The following ERC2 variants were observed in gnomAD, a reference collection of about 807,000 sequenced individuals.
The protein encoded by ERC2 is ELKS/RAB6-interacting/CAST family member 2.
ERC2 carries 42 observed loss-of-function variants against 114.8 expected under a neutral mutation model. The observed-to-expected ratio is 0.37, with a 90% CI of 0.29 to 0.47. The LOEUF (loss-of-function observed/expected upper bound fraction) is 0.47. Ranked by LOEUF, ERC2 falls within the 20% of genes least tolerant of loss-of-function variation. The pLI, the probability that ERC2 is intolerant of heterozygous loss-of-function variation, is 0.99. For synonymous variants in ERC2, 454 were observed against 425.5 expected, an observed-to-expected ratio of 1.07 and a Z score of -0.82; for missense variants, 939 against 1,150.7, an observed-to-expected ratio of 0.82 and a Z score of 2.66.
chr3:56,360,816 G>A (rs1412971074), intron 2 of ERC2, among the ~76,000 whole-genome samples: 1 of 152,188 alleles, frequency 6.6e-6, no homozygotes, highest in Non-Finnish European at 1.5e-5. Flanking sequence ...GCTGAGATAG[G>A]AGAATCACTT....
At chr3:56,368,240 A>C (rs2150578877) in intron 2 of ERC2, among the ~76,000 whole-genome samples, 1 of 150,728 alleles carries the variant, frequency 6.6e-6, no homozygotes, top group Non-Finnish European at 1.5e-5. Flanking sequence ...ACATCATGGG[A>C]TATTAATTAT....
At chr3:56,110,577 A>G (rs978230911) in intron 6 of ERC2, among the ~76,000 whole-genome samples, 1 of 152,212 alleles carries the variant, frequency 6.6e-6, no homozygotes, top group Non-Finnish European at 1.5e-5. Flanking sequence ...ACAACATAAC[A>G]AAGTCCCAAA....
intron 16 of ERC2, among the ~76,000 whole-genome samples, chr3:55,684,942 A>G (rs1022202306): frequency 1.3e-5 from 2 of 152,158 alleles, no homozygotes; most frequent in Admixed American, 1.3e-4. Context: ...ACATTTTCTC[A>G]TTATTTGACT....
chr3:56,185,908 A>C (rs1483870030), intron 3 of ERC2, among the ~76,000 whole-genome samples: 1 of 152,000 alleles, frequency 6.6e-6, no homozygotes, highest in Non-Finnish European at 1.5e-5. Context: ...AGAGATTCTC[A>C]GTGTGAGAAG....
chr3:55,890,253 T>C (rs2063540443), intron 13 of ERC2, among the ~76,000 whole-genome samples: 1 of 152,222 alleles, frequency 6.6e-6, no homozygotes, highest in South Asian at 2.1e-4. Context: ...TCCCTTTTTC[T>C]ATTTTTGATA....
intron 13 of ERC2, among the ~76,000 whole-genome samples, chr3:55,917,668 G>A (rs1559867818): frequency 6.6e-6 from 1 of 152,106 alleles, no homozygotes; most frequent in African/African-American, 2.4e-5. Context: ...TGGAATAACT[G>A]GTTATAGGTA....
intron 17 of ERC2, among the ~76,000 whole-genome samples, chr3:55,631,581 C>G (rs1288283598): frequency 6.6e-6 from 1 of 152,222 alleles, no homozygotes; most frequent in Non-Finnish European, 1.5e-5. Context: ...TAAACTCCCA[C>G]TTGGTTTCTT....
chr3:56,313,001 C>CATATATATATATATATATATATATAT (rs3055903), intron 2 of ERC2, among the ~76,000 whole-genome samples: 1 of 43,882 alleles, frequency 2.3e-5, no homozygotes, highest in Non-Finnish European at 4.2e-5. Flanking sequence ...TATGTATATT[C>CATATATATATATATATATATATATAT]ATATATATAT....
chr3:56,190,739 A>G (rs1482712775), intron 3 of ERC2, among the ~76,000 whole-genome samples: 1 of 151,924 alleles, frequency 6.6e-6, no homozygotes, highest in African/African-American at 2.4e-5. Context: ...ACACCCAGAT[A>G]ATTTTTTTTA....
intron 17 of ERC2, among the ~76,000 whole-genome samples, chr3:55,530,865 C>T (rs549232597): frequency 3.2e-4 from 48 of 152,280 alleles, no homozygotes; most frequent in African/African-American, 1.1e-3. Context: ...TGGGCATCCC[C>T]CCTCCACCAG....
At chr3:56,207,063 T>C (rs904440544) in intron 3 of ERC2, among the ~76,000 whole-genome samples, 5 of 152,124 alleles carry the variant, frequency 3.3e-5, no homozygotes, top group Admixed American at 3.3e-4. Flanking sequence ...ACGAGAAACA[T>C]GGAGATAGGA....
At chr3:56,189,187 A>G (rs891240363) in intron 3 of ERC2, among the ~76,000 whole-genome samples, 2 of 152,218 alleles carry the variant, frequency 1.3e-5, no homozygotes, top group African/African-American at 2.4e-5. Flanking sequence ...GCTACACAGC[A>G]TAACCTCCAC....
intron 6 of ERC2, among the ~76,000 whole-genome samples, chr3:56,130,308 T>C (rs958516027): frequency 6.6e-6 from 1 of 152,186 alleles, no homozygotes; most frequent in East Asian, 1.9e-4. Flanking sequence ...TCTACTTTCT[T>C]CCTCCATTTT....
chr3:56,467,532 C>T (rs904174853), intron 1 of ERC2, among the ~76,000 whole-genome samples: 4 of 152,174 alleles, frequency 2.6e-5, no homozygotes, highest in East Asian at 1.9e-4. Context: ...TGTCCTAAGA[C>T]GATCTTTCAA....
chr3:56,061,605 G>GA (rs1429654406), intron 7 of ERC2, among the ~76,000 whole-genome samples: 3 of 152,106 alleles, frequency 2.0e-5, no homozygotes, highest in Non-Finnish European at 4.4e-5. Context: ...GCAATGACGA[G>GA]AAAAAATATA....
At chr3:55,950,713 T>C in intron 12 of ERC2, 153 bp from the exon 13 acceptor site, 8 of 891,746 alleles carry the variant, frequency 9.0e-6, no homozygotes, top group South Asian at 8.5e-5. Flanking sequence ...CAACTACAAA[T>C]ATGTATTGAG....
At chr3:56,077,631 C>T (rs1322881729) in intron 7 of ERC2, among the ~76,000 whole-genome samples, 1 of 152,150 alleles carries the variant, frequency 6.6e-6, no homozygotes, top group Non-Finnish European at 1.5e-5. Context: ...CAAGAATGAG[C>T]GCACTTAGTC....
intron 17 of ERC2, among the ~76,000 whole-genome samples, chr3:55,642,578 G>C (rs973334411): frequency 6.6e-6 from 1 of 152,016 alleles, no homozygotes; most frequent in African/African-American, 2.4e-5. Context: ...CAAGTGATCT[G>C]CCTGCCTACC....
At chr3:56,257,021 A>G (rs1262390718) in intron 3 of ERC2, among the ~76,000 whole-genome samples, 1 of 152,188 alleles carries the variant, frequency 6.6e-6, no homozygotes, top group Non-Finnish European at 1.5e-5. Context: ...GTGACCTTGA[A>G]AAGAATTAAC....
Sources: gnomAD v4.1 joint callset for allele counts (sites outside exome capture counted in the v4.1 genomes callset) on GRCh38, gnomAD v4.1.1 for gene constraint, MANE v1.5 for transcripts, NCBI Gene and HGNC (gene_info 2026-07-23, HGNC 2026-07-21) for gene names.